The following PHIP variants were observed in gnomAD, a reference collection of about 807,000 sequenced individuals.
PHIP encodes PHIP subunit of CUL4-Ring ligase complex, also known as PH-interacting protein.
PHIP carries 54 observed loss-of-function variants against 236.8 expected under a neutral mutation model. The ratio of observed to expected loss-of-function variants is 0.23; its 90% CI spans 0.18 to 0.29. The LOEUF is 0.29. Ranked by LOEUF, PHIP falls within the 10% of genes least tolerant of loss-of-function variation. The pLI is 1.00. For synonymous variants in PHIP, 756 were observed against 718.9 expected, an observed-to-expected ratio of 1.05 and a Z score of -0.83; for missense variants, 1,370 against 2,190.8, an observed-to-expected ratio of 0.63 and a Z score of 7.48.
chr6:78,952,428 G>GAAAAAAAAAAA (rs1188992535), intron 35 of PHIP, among the ~76,000 whole-genome samples: 1 of 57,636 alleles, frequency 1.7e-5, no homozygotes, highest in Non-Finnish European at 3.8e-5. Flanking sequence ...AAAAAAAAAA[G>GAAAAAAAAAAA]AAAAAAAAAA....
chr6:78,986,673 C>T (rs1194227409), intron 21 of PHIP, among the ~76,000 whole-genome samples: 2 of 152,072 alleles, frequency 1.3e-5, no homozygotes, highest in Admixed American at 6.6e-5. Flanking sequence ...TTAAAGAGGA[C>T]AATGGGGTGG....
chr6:78,982,055 T>C lies in PHIP; in HGVS notation c.2769+831A>G, dbSNP rs570767280. Among the ~76,000 whole-genome samples, 65 of 152,166 alleles carry C rather than the reference T, an allele frequency of 4.3e-4. 1 individual carries two copies. In the South Asian group the frequency reaches 5.4e-3, roughly 13 times the overall value. ...TGGGAATAAAGACCCTACGGTCTCC[T>C]ACTATTTAATTCTACAAACGACAAT... On this transcript the variant is annotated intron_variant, in intron 23 of 39. Coordinates refer to ENST00000275034, the MANE Select transcript of PHIP (RefSeq NM_017934.7).
chr6:78,985,312 C>T lies in PHIP; in HGVS notation c.2537+40G>A, dbSNP rs1890229. On this transcript the variant is annotated intron_variant, in intron 22 of 39. Coordinates refer to ENST00000275034, the MANE Select transcript of PHIP (RefSeq NM_017934.7). ...AAAAAAAAAAACACCTTTCTAAAGA[C>T]TTTATATAACATTTGGAAAAATAAA... 555,148 of 1,118,538 alleles carry T rather than the reference C, an allele frequency of 0.5. 140,629 individuals carry two copies. The highest frequency in any genetic ancestry group is 0.68 in the East Asian group (28,796 of 42,584). 69.3% of individuals were successfully genotyped at this position (1,118,538 alleles called of 1,614,324 possible). A position where few individuals can be genotyped will look rare whatever the true frequency, so the allele number is the denominator to read the frequency against.
At chr6:79,033,333 T>C (rs188856522) in intron 7 of PHIP, among the ~76,000 whole-genome samples, 3 of 152,330 alleles carry the variant, frequency 2.0e-5, no homozygotes, top group East Asian at 1.9e-4. Context: ...TCTCTAATTA[T>C]GAAAGTCCTA....
intron 19 of PHIP, 110 bp from the exon 20 acceptor site, chr6:78,991,095 G>A (rs1582181215): frequency 1.5e-6 from 1 of 665,884 alleles, no homozygotes; most frequent in East Asian, 2.6e-5. Flanking sequence ...TTTATTTTAA[G>A]ATGGAAGCAT....
chr6:79,018,446 T>C (rs953803012), intron 10 of PHIP, among the ~76,000 whole-genome samples: 9 of 151,966 alleles, frequency 5.9e-5, no homozygotes, highest in African/African-American at 2.2e-4. Context: ...AAAGTAAAAC[T>C]GAAAATAAAG....
chr6:79,074,696 T>TA, intron 4 of PHIP, among the ~76,000 whole-genome samples: 1 of 152,214 alleles, frequency 6.6e-6, no homozygotes, highest in East Asian at 1.9e-4. Context: ...GAAACAACCA[T>TA]AAGATACGAC....
At chr6:79,056,617 A>T (rs1260967852) in intron 6 of PHIP, among the ~76,000 whole-genome samples, 1 of 152,146 alleles carries the variant, frequency 6.6e-6, no homozygotes, top group Non-Finnish European at 1.5e-5. Flanking sequence ...GGCAATTAGC[A>T]AGCAGAGGCC....
chr6:78,976,768 T>G (rs961383391), intron 24 of PHIP, among the ~76,000 whole-genome samples: 13 of 145,158 alleles, frequency 9.0e-5, no homozygotes, highest in African/African-American at 3.3e-4. Context: ...AAAAAACACA[T>G]GAAAAAATGC....
chr6:78,995,671 T>C (rs1293646844), intron 19 of PHIP, among the ~76,000 whole-genome samples: 1 of 152,202 alleles, frequency 6.6e-6, no homozygotes, highest in Non-Finnish European at 1.5e-5. Flanking sequence ...TAGATCCTCT[T>C]TGGTAAATGT....
intron 10 of PHIP, among the ~76,000 whole-genome samples, chr6:79,018,712 T>A (rs548349927): frequency 1.3e-5 from 2 of 152,098 alleles, no homozygotes; most frequent in East Asian, 3.9e-4. Flanking sequence ...ATCAAATTTA[T>A]TTTACTTAAC....
At chr6:78,968,050 G>C (rs1258896849) in intron 27 of PHIP, among the ~76,000 whole-genome samples, 1 of 152,062 alleles carries the variant, frequency 6.6e-6, no homozygotes, top group Non-Finnish European at 1.5e-5. Context: ...AGGTAGAATG[G>C]TGTGAACCTG....
chr6:79,075,923 G>A (rs1774136660), intron 4 of PHIP, among the ~76,000 whole-genome samples: 1 of 152,106 alleles, frequency 6.6e-6, no homozygotes, highest in South Asian at 2.1e-4. Flanking sequence ...ATTCACTGAA[G>A]ACTTCTATCA....
At chr6:78,969,981 A>T in intron 26 of PHIP, 64 bp from the exon 27 acceptor site, 1 of 1,587,838 alleles carries the variant, frequency 6.3e-7, no homozygotes, top group South Asian at 1.1e-5. Context: ...AGATGTTCAA[A>T]TGTATCTGAA....
chr6:79,070,019 A>G (rs1180758047), intron 4 of PHIP, among the ~76,000 whole-genome samples: 1 of 152,146 alleles, frequency 6.6e-6, no homozygotes, highest in Non-Finnish European at 1.5e-5. Context: ...CTACGCTTCC[A>G]AATTTTATTC....
chr6:79,060,194 A>AC (rs1464952222), intron 6 of PHIP, among the ~76,000 whole-genome samples: 1 of 152,116 alleles, frequency 6.6e-6, no homozygotes, highest in Admixed American at 6.6e-5. Context: ...TATTGATTCT[A>AC]CTAACTCGAC....
At chr6:78,941,937 T>C (rs1194851285) in intron 39 of PHIP, among the ~76,000 whole-genome samples, 2 of 152,144 alleles carry the variant, frequency 1.3e-5, no homozygotes, top group South Asian at 2.1e-4. Flanking sequence ...CTGAAGGATC[T>C]GGAGATGATG....
At chr6:78,985,164 T>G (rs933146245) in intron 22 of PHIP, among the ~76,000 whole-genome samples, 188 bp downstream of exon 22, 1 of 152,102 alleles carries the variant, frequency 6.6e-6, no homozygotes, top group African/African-American at 2.4e-5. Context: ...GCAGATCTAG[T>G]TGCAATCACC....
chr6:78,962,211 A>G (rs188905399), intron 30 of PHIP, among the ~76,000 whole-genome samples: 6 of 152,242 alleles, frequency 3.9e-5, no homozygotes, highest in Non-Finnish European at 7.4e-5. Flanking sequence ...GTATCCCTTT[A>G]TCTCAACTTT....
Sources: gnomAD v4.1 joint callset for allele counts (sites outside exome capture counted in the v4.1 genomes callset) on GRCh38, gnomAD v4.1.1 for gene constraint, MANE v1.5 for transcripts, NCBI Gene and HGNC (gene_info 2026-07-23, HGNC 2026-07-21) for gene names.